TMEM178B: variants seen among roughly 807,000 people sequenced by gnomAD.
TMEM178B encodes the protein transmembrane protein 178B.
TMEM178B carries 5 observed loss-of-function variants against 31.0 expected under a neutral mutation model. The ratio of observed to expected loss-of-function variants is 0.16; its 90% CI spans 0.08 to 0.34. The LOEUF (loss-of-function observed/expected upper bound fraction) is 0.34, where lower values mean the gene tolerates loss of function less well. Ranked by LOEUF, TMEM178B falls within the 10% of genes least tolerant of loss-of-function variation. The pLI is 1.00. For synonymous variants in TMEM178B, 164 were observed against 164.0 expected, an observed-to-expected ratio of 1.00 and a Z score of 0.00; for missense variants, 275 against 400.3, an observed-to-expected ratio of 0.69 and a Z score of 2.67.
chr7:141,382,966 C>G lies in TMEM178B; in HGVS notation c.497-54642C>G, dbSNP rs575328456. 3.2e-4 allele frequency among the ~76,000 whole-genome samples: 48 copies of G among 152,262 alleles called. 1 individual carries two copies. In the South Asian group the frequency reaches 9.3e-3, roughly 30 times the overall value. Reference sequence around the variant, plus strand: ...TTCAGATATCTTTATCATCACTGCCCCATTCTCCCACCCCAATCTCCTTGG... The same window carrying G: ...TTCAGATATCTTTATCATCACTGCCGCATTCTCCCACCCCAATCTCCTTGG... On this transcript the variant is annotated intron_variant, in intron 2 of 3. Coordinates refer to ENST00000565468, the MANE Select transcript of TMEM178B (RefSeq NM_001195278.2).
Position 141,325,214 on chromosome 7 carries a change from G to T in TMEM178B, c.497-112394G>T, listed in dbSNP as rs142713180. 3.9e-3 allele frequency among the ~76,000 whole-genome samples: 598 copies of T among 152,258 alleles called. 2 individuals are homozygous for T. Among genetic ancestry groups the T allele is most frequent in the African/African-American group, 0.014 (572 of 41,530 alleles). On this transcript the variant is annotated intron_variant, in intron 2 of 3. Transcript: ENST00000565468. ...TGATTTGACTGTGCTGTAATATAAAGATGGAGAAAAGGAACCTAGACATGC... is the reference window on the plus strand; with the variant it reads ...TGATTTGACTGTGCTGTAATATAAATATGGAGAAAAGGAACCTAGACATGC...
intron 3 of TMEM178B, among the ~76,000 whole-genome samples, chr7:141,454,867 G>C (rs1274472311): frequency 6.6e-6 from 1 of 152,052 alleles, no homozygotes; most frequent in East Asian, 1.9e-4. Context: ...AATTCAGAAG[G>C]GTGCGGAAGA....
intron 2 of TMEM178B, among the ~76,000 whole-genome samples, chr7:141,394,801 C>T (rs947856838): frequency 6.6e-6 from 1 of 152,202 alleles, no homozygotes; most frequent in Non-Finnish European, 1.5e-5. Context: ...AGAGGAATGA[C>T]ATAAACAGTT....
At chr7:141,509,028 A>T in the TMEM178B span, among the ~76,000 whole-genome samples, 9 of 152,326 alleles carry the variant, frequency 5.9e-5, no homozygotes, top group East Asian at 1.2e-3. Context: ...GGGACATGAC[A>T]TCTATTCCAT....
chr7:141,399,892 C>T (rs138009052), intron 2 of TMEM178B, among the ~76,000 whole-genome samples: 1 of 152,208 alleles, frequency 6.6e-6, no homozygotes, highest in African/African-American at 2.4e-5. Context: ...TCCCTTTCTT[C>T]CTTCCTATAT....
At chr7:141,230,575 T>C (rs1438025855) in intron 2 of TMEM178B, among the ~76,000 whole-genome samples, 3 of 152,204 alleles carry the variant, frequency 2.0e-5, no homozygotes, top group Non-Finnish European at 4.4e-5. Flanking sequence ...CAAAGACTCC[T>C]TACTTCTCTT....
At chr7:141,132,776 G>A (rs1795614330) in intron 1 of TMEM178B, among the ~76,000 whole-genome samples, 1 of 152,126 alleles carries the variant, frequency 6.6e-6, no homozygotes. Context: ...GGCCCAAGGA[G>A]CCACCTGCCT....
At chr7:141,446,645 C>T (rs900673048) in intron 3 of TMEM178B, among the ~76,000 whole-genome samples, 1 of 152,142 alleles carries the variant, frequency 6.6e-6, no homozygotes, top group Admixed American at 6.5e-5. Flanking sequence ...CATGGAGAAC[C>T]AGTCCAGGAC....
rs1358101607 is a variant in TMEM178B, at chr7:141,074,155, C to G, written c.-156C>G. On this transcript the variant is annotated 5_prime_UTR_variant, in exon 1 of 4. Coordinates refer to ENST00000565468, the MANE Select transcript of TMEM178B (RefSeq NM_001195278.2). The surrounding 1 kb of genome is among the most constrained non-coding windows in gnomAD (Gnocchi z 5.1). ...GCCCCCATCCCCGCAGTCCCCGGGC[C>G]GTGCTCCGGTAGGCGGGGGCCGAGG... The G allele has an allele frequency of 6.2e-6, 7 of 1,131,542 alleles. No individual in the cohort carries two copies. The highest frequency in any genetic ancestry group is 3.2e-5 in the Admixed American group (1 of 31,120). The allele number at this position is 1,131,542 out of a possible 1,614,324, so 70.1% of individuals were successfully genotyped here.
intron 2 of TMEM178B, among the ~76,000 whole-genome samples, chr7:141,294,639 TCCTC>T: frequency 6.6e-6 from 1 of 152,164 alleles, no homozygotes; most frequent in Non-Finnish European, 1.5e-5. Flanking sequence ...AGAGACCCAG[TCCTC>T]TAAGATCCCA....
At chr7:141,242,477 A>T (rs933499173) in intron 2 of TMEM178B, among the ~76,000 whole-genome samples, 3 of 140,522 alleles carry the variant, frequency 2.1e-5, no homozygotes, top group Non-Finnish European at 4.6e-5. Context: ...ACTTTGTGTG[A>T]GTGTGTGTGT....
chr7:141,100,790 A>G (rs997196555), intron 1 of TMEM178B, among the ~76,000 whole-genome samples: 2 of 152,228 alleles, frequency 1.3e-5, no homozygotes, highest in African/African-American at 4.8e-5. Flanking sequence ...GTGTGACAAT[A>G]AACTGATTTT....
At chr7:141,306,619 CTGTT>C (rs1352834269) in intron 2 of TMEM178B, among the ~76,000 whole-genome samples, 1 of 145,772 alleles carries the variant, frequency 6.9e-6, no homozygotes, top group Non-Finnish European at 1.5e-5. Context: ...TTCTGAGAGT[CTGTT>C]TTTTTTTTTT....
chr7:141,288,930 C>A (rs1455466728), intron 2 of TMEM178B, among the ~76,000 whole-genome samples: 1 of 152,208 alleles, frequency 6.6e-6, no homozygotes, highest in African/African-American at 2.4e-5. Flanking sequence ...TCCCTCTGGG[C>A]TAACAGCCTT....
intron 2 of TMEM178B, among the ~76,000 whole-genome samples, chr7:141,394,134 G>T (rs1004384412): frequency 6.6e-6 from 1 of 152,018 alleles, no homozygotes; most frequent in Non-Finnish European, 1.5e-5. Context: ...ATTCCACAGA[G>T]TTTGGTAAGG....
At chr7:141,142,085 T>C (rs1795778243) in intron 1 of TMEM178B, among the ~76,000 whole-genome samples, 1 of 152,218 alleles carries the variant, frequency 6.6e-6, no homozygotes, top group African/African-American at 2.4e-5. Context: ...ATGTCTATTG[T>C]TGCCATCCTT....
At chr7:141,355,254 TTGG>T in intron 2 of TMEM178B, among the ~76,000 whole-genome samples, 1 of 152,156 alleles carries the variant, frequency 6.6e-6, no homozygotes, top group Non-Finnish European at 1.5e-5. Flanking sequence ...CTGTTCAGAC[TTGG>T]TGACTAACTC....
chr7:141,407,621 G>T (rs1800907550), intron 2 of TMEM178B, among the ~76,000 whole-genome samples: 1 of 152,294 alleles, frequency 6.6e-6, no homozygotes, highest in African/African-American at 2.4e-5. Context: ...TGGGGAGGTA[G>T]GTGGTAATCA....
intron 2 of TMEM178B, among the ~76,000 whole-genome samples, chr7:141,338,515 T>G (rs1799463607): frequency 6.6e-6 from 1 of 152,196 alleles, no homozygotes; most frequent in Non-Finnish European, 1.5e-5. Context: ...TATTTGATAT[T>G]GGATGGGGAT....
Sources: gnomAD v4.1 joint callset for allele counts (sites outside exome capture counted in the v4.1 genomes callset) on GRCh38, gnomAD v4.1.1 for gene constraint, Gnocchi (gnomAD v3.1) non-coding constraint, MANE v1.5 for transcripts, NCBI Gene and HGNC (gene_info 2026-07-23, HGNC 2026-07-21) for gene names.